The following LRRC24 variants were observed in gnomAD, a reference collection of about 807,000 sequenced individuals.
The protein encoded by LRRC24 is leucine-rich repeat-containing protein 24.
A neutral mutation model predicts 15.3 loss-of-function variants in LRRC24; 19 were observed. The observed-to-expected ratio is 1.25, with a 90% CI of 0.87 to 1.83. The LOEUF (loss-of-function observed/expected upper bound fraction) is 1.83. LRRC24 is among the 40% of genes most tolerant of loss of function. The pLI, the probability that LRRC24 is intolerant of heterozygous loss-of-function variation, is 0.00. For synonymous variants in LRRC24, 469 were observed against 359.6 expected, an observed-to-expected ratio of 1.30 and a Z score of -3.44; for missense variants, 914 against 723.9, an observed-to-expected ratio of 1.26 and a Z score of -3.01.
chr8:144,523,333 G>A lies in LRRC24; in HGVS notation c.684C>T (p.Thr228=). 1.3e-6 allele frequency: 2 copies of A among 1,595,982 alleles called. No individual in the cohort carries two copies. The highest frequency in any genetic ancestry group is 1.7e-6 in the Non-Finnish European group (2 of 1,168,536). Residue 228 remains threonine (T), a synonymous_variant, in exon 5 of 5, where the codon ACC becomes ACT. Coordinates refer to ENST00000529415, the MANE Select transcript of LRRC24 (RefSeq NM_001024678.4). ...WIKEGGQRLL[T]SRDRKIMCAE... The stretch of plus-strand genomic sequence containing the variant: ...CACACATGATCTTCCTGTCCCTGGA[G>A]GTGAGCAGCCGCTGGCCGCCCTCCT...
chr8:144,523,749 C>A, intron 4 of LRRC24: 1 of 413,108 alleles, frequency 2.4e-6, no homozygotes, highest in Non-Finnish European at 4.3e-6. Flanking sequence ...AGCACTGAAA[C>A]CTCACAAGTC....
rs1275026099 is a variant in LRRC24, at chr8:144,523,724, C to T, written c.608-315G>A. On this transcript the variant is annotated intron_variant, in intron 4 of 4. Transcript: ENST00000529415. ...CTGTTTTTAGGAACCTGGGCGTCCA[C>T]ATAGACATCTCACCAGCACTGAAAC... is the stretch of plus-strand genomic sequence containing the variant. The T allele has an allele frequency of 1.9e-5, 8 of 416,400 alleles. No individual in the cohort carries two copies. In the East Asian group the frequency reaches 2.7e-4, roughly 14 times the overall value. The allele number at this position is 416,400 out of a possible 1,614,324, so 25.8% of individuals were successfully genotyped here.
In LRRC24 at chr8:144,522,975, A is replaced by G; in HGVS notation, c.1042T>C (p.Ser348Pro). 6.3e-7 allele frequency: 1 copy of G among 1,587,812 alleles called. No individual in the cohort carries two copies. Residue 348 changes from serine (S) to proline (P), a missense_variant, in exon 5 of 5, where the codon TCC becomes CCC. Coordinates refer to ENST00000529415, the MANE Select transcript of LRRC24 (RefSeq NM_001024678.4). ...ACGCGGGCAGCGCCGCCGGCGTTGG[A>G]GGCCTCGCACTCGTACTTACCGGCG... ...AHAGKYECEA[S>P]NAGGAARVPF...
Position 144,522,995 on chromosome 8 carries a change from C to A in LRRC24, c.1022G>T (p.Gly341Val). 6.3e-7 allele frequency: 1 copy of A among 1,595,256 alleles called. No homozygotes were observed. Among genetic ancestry groups the A allele is most frequent in the Non-Finnish European group, 8.5e-7 (1 of 1,174,900 alleles). ...GTTGGAGGCCTCGCACTCGTACTTA[C>A]CGGCGTGCGCCAGCGTGATGTTGCT... The part of the protein sequence containing the change: ...FLSNITLAHA[G>V]KYECEASNAG... The change falls in exon 5 of 5, where the codon GGT becomes GTT. Residue 341 changes from glycine (G) to valine (V), a missense_variant. Physicochemically the swap from Gly to Val is moderately radical, Grantham distance 109. Coordinates refer to ENST00000529415, the MANE Select transcript of LRRC24 (RefSeq NM_001024678.4).
chr8:144,522,689 G>T lies in LRRC24; in HGVS notation c.1328C>A (p.Ala443Glu), dbSNP rs764602638. The change falls in exon 5 of 5, where the codon GCG becomes GAG. Residue 443 changes from alanine (A) to glutamate (E), a missense_variant. Physicochemically the swap from Ala to Glu is moderately radical, Grantham distance 107 (BLOSUM62 -1). Coordinates refer to ENST00000529415, the MANE Select transcript of LRRC24 (RefSeq NM_001024678.4). Reference protein sequence around the residue: ...KKARGPPGEGALFVNDYLDGP... With the variant: ...KKARGPPGEGELFVNDYLDGP... ...GTCCAAGTAGTCGTTGACGAACAGC[G>T]CTCCCTCCCCCGGAGGCCCCCGCGC... 11 of 1,596,338 alleles carry T rather than the reference G, an allele frequency of 6.9e-6. No individual in the cohort carries two copies. The highest frequency in any genetic ancestry group is 9.4e-6 in the Non-Finnish European group (11 of 1,172,656).
intron 4 of LRRC24, chr8:144,523,889 C>T (rs762691858): frequency 6.3e-5 from 37 of 589,270 alleles, no homozygotes; most frequent in Non-Finnish European, 1.0e-4. Context: ...TCTGTTAAGT[C>T]ACCCTGTGGA....
rs768405674 is a variant in LRRC24 at position 144,524,151 on chromosome 8, G to A, written c.566C>T (p.Ala189Val). 1 of 1,609,412 alleles carries A rather than the reference G, an allele frequency of 6.2e-7. No individual in the cohort carries two copies. The highest frequency in any genetic ancestry group is 1.1e-5 in the South Asian group (1 of 91,022). The stretch of plus-strand genomic sequence containing the variant: ...TTGCAGACTGGCCAGGGGCTGCAGG[G>A]CCTCTCGGCTGATGGTGCCCAGCTG... ...RNQLGTISRE[A>V]LQPLASLQVL... Residue 189 changes from alanine (A) to valine (V), a missense_variant, in exon 4 of 5, where the codon GCC (alanine) becomes GTC (valine). Ala to Val is a moderately conservative substitution (Grantham distance 64, BLOSUM62 0). Coordinates refer to ENST00000529415, the MANE Select transcript of LRRC24 (RefSeq NM_001024678.4).
chr8:144,522,784 GATGGCCGCCGCA>G lies in LRRC24; in HGVS notation c.1221_1232del (p.Ala409_Ala412del). ...GCAGCGCCGTGAGCGCCAGCAGCGCGATGGCCGCCGCAATGGCCGTCTGTGTGGCCACGCCCA... is the reference window on the plus strand; with the variant it reads ...GCAGCGCCGTGAGCGCCAGCAGCGCGATGGCCGTCTGTGTGGCCACGCCCA... On this transcript the variant is annotated inframe_deletion, in exon 5 of 5. Transcript: ENST00000529415. 2 of 1,554,492 alleles carry G rather than the reference GATGGCCGCCGCA, an allele frequency of 1.3e-6. No individual in the cohort carries two copies. Among genetic ancestry groups the G allele is most frequent in the South Asian group, 1.2e-5 (1 of 84,986 alleles).
intron 4 of LRRC24, 147 bp downstream of exon 4, chr8:144,523,963 C>A (rs564080951): frequency 6.5e-6 from 6 of 929,468 alleles, no homozygotes; most frequent in African/African-American, 1.6e-5. Context: ...CACCCACTCC[C>A]GCAGCCCTCC....
rs1034681331 is a variant in LRRC24, at chr8:144,522,697, C to A, written c.1320G>T (p.Gly440=). 1.5e-5 allele frequency: 24 copies of A among 1,595,602 alleles called. No homozygotes were observed. The highest frequency in any genetic ancestry group is 2.0e-5 in the Non-Finnish European group (24 of 1,172,300). ...RRRKKARGPP[G]EGALFVNDYL... ...AGTCGTTGACGAACAGCGCTCCCTCCCCCGGAGGCCCCCGCGCCTTTTTTC... is the reference window on the plus strand; with the variant it reads ...AGTCGTTGACGAACAGCGCTCCCTCACCCGGAGGCCCCCGCGCCTTTTTTC... Residue 440 remains glycine (G), a synonymous_variant, in exon 5 of 5, where the codon GGG becomes GGT. Coordinates refer to ENST00000529415, the MANE Select transcript of LRRC24 (RefSeq NM_001024678.4).
At position 144,525,015 on chromosome 8, in the gene LRRC24, G is replaced by A; in HGVS notation, c.-41C>T. On this transcript the variant is annotated 5_prime_UTR_variant, in exon 2 of 5. Coordinates refer to ENST00000529415, the MANE Select transcript of LRRC24 (RefSeq NM_001024678.4). Reference sequence around the variant, plus strand: ...TCCTCACCGGCCCTTCCGCGGTTCAGCCGCAGACGCGTGCCCTCCTGAAAC... The same window carrying A: ...TCCTCACCGGCCCTTCCGCGGTTCAACCGCAGACGCGTGCCCTCCTGAAAC... 7.1e-7 allele frequency: 1 copy of A among 1,399,064 alleles called. No individual in the cohort carries two copies. Among genetic ancestry groups the A allele is most frequent in the Non-Finnish European group, 9.3e-7 (1 of 1,080,112 alleles). The allele number at this position is 1,399,064 out of a possible 1,614,324, so 86.7% of individuals were successfully genotyped here.
chr8:144,525,101 C>T (rs1247129355), intron 1 of LRRC24, 68 bp from the exon 2 acceptor site: 10 of 1,057,720 alleles, frequency 9.5e-6, no homozygotes, highest in Non-Finnish European at 1.2e-5. Flanking sequence ...TGGAGGCCTG[C>T]ACCTGCGTCT....
At chr8:144,523,724 C>G (rs1275026099) in intron 4 of LRRC24, 1 of 416,518 alleles carries the variant, frequency 2.4e-6, no homozygotes, top group Admixed American at 4.0e-5. Flanking sequence ...TGGGCGTCCA[C>G]ATAGACATCT....
chr8:144,523,103 C>A lies in LRRC24; in HGVS notation c.914G>T (p.Arg305Leu), dbSNP rs1311845477. Residue 305 changes from arginine to leucine, a missense_variant, in exon 5 of 5, where the codon CGA (arginine) becomes CTA (leucine). Coordinates refer to ENST00000529415, the MANE Select transcript of LRRC24 (RefSeq NM_001024678.4). ...KVPQPREGRP[R>L]AQAQLEGGLL... ...CCCGCCTTCTAGCTGGGCCTGGGCT[C>A]GCGGCCGGCCCTCGCGAGGCTGGGG... The A allele has an allele frequency of 1.9e-6, 3 of 1,608,886 alleles. No individual in the cohort carries two copies. Among genetic ancestry groups the A allele is most frequent in the Non-Finnish European group, 2.5e-6 (3 of 1,179,472 alleles).
chr8:144,523,192 C>T lies in LRRC24; in HGVS notation c.825G>A (p.Glu275=), dbSNP rs753663249. ...AGGCTTGGCAGGCAACCCGCAGGTC[C>T]TCACCCAGGTTGGCTGTGAGCTCCA... ...QPLELTANLG[E]DLRVACQASG... Residue 275 remains glutamate, a synonymous_variant, in exon 5 of 5, where the codon GAG becomes GAA. Transcript: ENST00000529415. 1 of 1,609,732 alleles carries T rather than the reference C, an allele frequency of 6.2e-7. No homozygotes were observed. Among genetic ancestry groups the T allele is most frequent in the South Asian group, 1.1e-5 (1 of 90,702 alleles).
At chr8:144,524,345 C>T in intron 3 of LRRC24, 67 bp from the exon 4 acceptor site, 1 of 1,598,076 alleles carries the variant, frequency 6.3e-7, no homozygotes, top group Non-Finnish European at 8.5e-7. Flanking sequence ...TCTCTTCTTA[C>T]CAAGCTAGAC....
In LRRC24 at chr8:144,524,845, C is replaced by A. The variant is rs1387520351; in HGVS notation, c.130G>T (p.Val44Phe). Residue 44 changes from valine to phenylalanine, a missense_variant, in exon 2 of 5, where the codon GTC becomes TTC. Transcript: ENST00000529415. ...GTCCCTGGCGGGATTCCCAGCGGGA[C>A]GACGCGCAACCGCAGGGCGCCACAC... ...VECGALRLRV[V>F]PLGIPPGTQT... is the part of the protein sequence containing the mutation. 6.7e-7 allele frequency: 1 copy of A among 1,483,176 alleles called. No homozygotes were observed. The highest frequency in any genetic ancestry group is 9.0e-7 in the Non-Finnish European group (1 of 1,116,608). 91.9% of individuals were successfully genotyped at this position (1,483,176 alleles called of 1,614,324 possible).
At chr8:144,523,664 C>T (rs1050636445) in intron 4 of LRRC24, 19 of 476,984 alleles carry the variant, frequency 4.0e-5, no homozygotes, top group Non-Finnish European at 6.0e-5. Flanking sequence ...TCTGAGAAAG[C>T]ACCTGCTCCT....
At position 144,522,487 on chromosome 8, in the gene LRRC24, C is replaced by G. The variant is rs1004647605; in HGVS notation, c.1530G>C (p.Glu510Asp). 3 of 1,491,120 alleles carry G rather than the reference C, an allele frequency of 2.0e-6. No homozygotes were observed. The highest frequency in any genetic ancestry group is 2.0e-4 in the Middle Eastern group (1 of 4,904). 92.4% of individuals were successfully genotyped at this position (1,491,120 alleles called of 1,614,324 possible). A position where few individuals can be genotyped will look rare whatever the true frequency, so the allele number is the denominator to read the frequency against. ...CGCGCCCGCGGCCCTAGCAGTGGAT[C>G]TCGTAGGCGACCGGCGGGGGCACGC... The part of the protein sequence containing the change: ...GLRVPPPVAY[E>D]IHC Residue 510 changes from glutamate to aspartate, a missense_variant, in exon 5 of 5, where the codon GAG (glutamate) becomes GAC (aspartate). Glu to Asp is a conservative substitution (Grantham distance 45). Transcript: ENST00000529415.
Sources: gnomAD v4.1 joint callset for allele counts on GRCh38, gnomAD v4.1.1 for gene constraint, MANE v1.5 for transcripts, NCBI Gene and HGNC (gene_info 2026-07-23, HGNC 2026-07-21) for gene names.